The following PEBP4 variants were observed in gnomAD, a reference collection of about 807,000 sequenced individuals.
PEBP4 encodes phosphatidylethanolamine binding protein 4, also known as phosphatidylethanolamine-binding protein 4.
In PEBP4, 22 loss-of-function variants were observed where a neutral mutation model predicts 23.9. The ratio of observed to expected loss-of-function variants is 0.92; its 90% CI spans 0.66 to 1.31. PEBP4 has a LOEUF of 1.31. Ranked by LOEUF, PEBP4 falls within the 40% of genes most tolerant of loss-of-function variation. The pLI is 0.00. For synonymous variants in PEBP4, 112 were observed against 99.3 expected (o/e 1.13, Z -0.76); for missense variants, 324 against 281.7 (o/e 1.15, Z -1.07).
At chr8:22,869,221 T>C (rs1315815940) in intron 3 of PEBP4, among the ~76,000 whole-genome samples, 1 of 152,242 alleles carries the variant, frequency 6.6e-6, no homozygotes, top group Non-Finnish European at 1.5e-5. Flanking sequence ...ATGTTGTAAA[T>C]GTCCCCTGTG....
At position 22,813,574 on chromosome 8, in the gene PEBP4, T is replaced by C. The variant is rs539775722; in HGVS notation, c.357+4063A>G. Reference sequence around the variant, plus strand: ...GCACCAATAAGTGTTTCTTTGAAAATGAATGATGCAAATTAATTGATATCC... The same window carrying C: ...GCACCAATAAGTGTTTCTTTGAAAACGAATGATGCAAATTAATTGATATCC... On this transcript the variant is annotated intron_variant, in intron 4 of 6. Transcript: ENST00000256404. Among the ~76,000 whole-genome samples the C allele has an allele frequency of 2.0e-5, 3 of 152,274 alleles. No homozygotes were observed. In the South Asian group the frequency reaches 6.2e-4, roughly 32 times the overall value.
At chr8:22,760,859 C>T (rs376712741) in intron 4 of PEBP4, among the ~76,000 whole-genome samples, 6 of 152,196 alleles carry the variant, frequency 3.9e-5, no homozygotes, top group African/African-American at 9.6e-5. Flanking sequence ...CCCCTGAAGG[C>T]GAGGTCTAGA....
chr8:22,780,971 G>A (rs921169870), intron 4 of PEBP4, among the ~76,000 whole-genome samples: 8 of 152,224 alleles, frequency 5.3e-5, no homozygotes, highest in African/African-American at 1.9e-4. Context: ...ATCTCCAGCT[G>A]AGGAAACTGG....
intron 3 of PEBP4, among the ~76,000 whole-genome samples, chr8:22,907,562 G>A (rs1808842801): frequency 6.6e-6 from 1 of 152,082 alleles, no homozygotes. Flanking sequence ...AGGAAGGAGT[G>A]AGGTAAGCAA....
At chr8:22,768,755 G>C (rs1343382971) in intron 4 of PEBP4, among the ~76,000 whole-genome samples, 2 of 152,106 alleles carry the variant, frequency 1.3e-5, no homozygotes, top group South Asian at 2.1e-4. Flanking sequence ...CGGGCTTTTT[G>C]TTGGCCCGCG....
intron 4 of PEBP4, among the ~76,000 whole-genome samples, chr8:22,806,002 G>C (rs1270614360): frequency 6.6e-6 from 1 of 152,076 alleles, no homozygotes; most frequent in African/African-American, 2.4e-5. Flanking sequence ...GATATTAACT[G>C]TCTCAACTCC....
intron 4 of PEBP4, among the ~76,000 whole-genome samples, chr8:22,779,610 T>A (rs183536458): frequency 2.9e-4 from 44 of 151,890 alleles, no homozygotes; most frequent in African/African-American, 9.4e-4. Flanking sequence ...ACAAGAAGAG[T>A]CCTTTGGAAG....
chr8:22,910,269 G>C (rs1158121324), intron 3 of PEBP4, among the ~76,000 whole-genome samples: 1 of 152,256 alleles, frequency 6.6e-6, no homozygotes, highest in African/African-American at 2.4e-5. Flanking sequence ...TCATGATAGG[G>C]AAAGTGTTTT....
At chr8:22,912,492 G>C (rs567608680) in intron 3 of PEBP4, among the ~76,000 whole-genome samples, 5 of 152,312 alleles carry the variant, frequency 3.3e-5, no homozygotes, top group African/African-American at 1.2e-4. Context: ...AAATTACATA[G>C]GTGAAAGGTA....
At chr8:22,830,113 T>TTGTG (rs3060706) in intron 3 of PEBP4, among the ~76,000 whole-genome samples, 54,978 of 144,002 alleles carry the variant, frequency 0.38, 10,907 homozygotes, top group East Asian at 0.68. Context: ...GGCTGTGGTT[T>TTGTG]TGTGTGTGTG....
upstream of PEBP4, among the ~76,000 whole-genome samples, chr8:22,932,733 G>A (rs138531551): frequency 4.7e-3 from 714 of 152,172 alleles, 4 homozygotes; most frequent in African/African-American, 0.016. Context: ...TTCCAGACAC[G>A]GTGGCTCATG....
At chr8:22,772,343 G>A (rs1009201949) in intron 4 of PEBP4, among the ~76,000 whole-genome samples, 3 of 152,178 alleles carry the variant, frequency 2.0e-5, no homozygotes, top group African/African-American at 4.8e-5. Flanking sequence ...CATATGCAAA[G>A]GCATCTAGAA....
At position 22,860,716 on chromosome 8, in the gene PEBP4, G is replaced by A. The variant is rs566841290; in HGVS notation, c.259-42981C>T. Among the ~76,000 whole-genome samples the A allele has an allele frequency of 9.2e-5, 14 of 152,274 alleles. No homozygotes were observed. In the East Asian group the frequency reaches 9.6e-4, roughly 10 times the overall value. On this transcript the variant is annotated intron_variant, in intron 3 of 6. Transcript: ENST00000256404. The stretch of plus-strand genomic sequence containing the variant: ...CGTGGAGCTTTCCTCAAGACCCTCC[G>A]TTACAAGTTAGTCATGTACAAAGAT...
chr8:22,773,522 TCTCA>T (rs547881874), intron 4 of PEBP4, among the ~76,000 whole-genome samples: 1 of 152,206 alleles, frequency 6.6e-6, no homozygotes, highest in South Asian at 2.1e-4. Context: ...TTCCTGTGGC[TCTCA>T]CTGTCTCCTG....
At chr8:22,875,281 G>A (rs59427248) in intron 3 of PEBP4, among the ~76,000 whole-genome samples, 56,318 of 151,866 alleles carry the variant, frequency 0.37, 11,293 homozygotes, top group East Asian at 0.66. Flanking sequence ...TAGAAATAAT[G>A]TATATGTGAG....
At chr8:22,727,609 G>C (rs1804644393) in intron 4 of PEBP4, among the ~76,000 whole-genome samples, 1 of 152,146 alleles carries the variant, frequency 6.6e-6, no homozygotes, top group African/African-American at 2.4e-5. Context: ...CGGATCTAAG[G>C]GAGGCGCTTA....
chr8:22,917,622 A>T (rs759965629), intron 3 of PEBP4, among the ~76,000 whole-genome samples: 3 of 146,454 alleles, frequency 2.0e-5, no homozygotes, highest in Middle Eastern at 3.5e-3. Context: ...ACTCACTTCC[A>T]TAGGACCTGC....
At chr8:22,902,831 G>A (rs1341104098) in intron 3 of PEBP4, among the ~76,000 whole-genome samples, 1 of 152,218 alleles carries the variant, frequency 6.6e-6, no homozygotes, top group East Asian at 1.9e-4. Context: ...CTACTGGAGG[G>A]AGAATGCATT....
chr8:22,781,673 C>T (rs1805918086), intron 4 of PEBP4, among the ~76,000 whole-genome samples: 1 of 152,192 alleles, frequency 6.6e-6, no homozygotes, highest in Non-Finnish European at 1.5e-5. Flanking sequence ...TGTGGCCCAG[C>T]CACCCGAAGA....
Sources: allele counts gnomAD v4.1 joint callset (sites outside exome capture counted in the v4.1 genomes callset), GRCh38; gene constraint gnomAD v4.1.1; transcripts MANE v1.5; gene names NCBI Gene and HGNC (gene_info 2026-07-23, HGNC 2026-07-21).